Variants in RBMS3 observed in about 807,000 individuals in gnomAD.
The protein encoded by RBMS3 is RNA binding motif single stranded interacting protein 3, also known as RNA-binding motif, single-stranded-interacting protein 3.
RBMS3 carries 27 observed loss-of-function variants against 66.8 expected under a neutral mutation model. The ratio of observed to expected loss-of-function variants is 0.40; its 90% CI spans 0.30 to 0.56. The LOEUF (loss-of-function observed/expected upper bound fraction) is 0.56. RBMS3 is among the 20% of genes least tolerant of loss of function. The pLI is 0.40. For missense variants in RBMS3, 513 were observed against 549.5 expected (o/e 0.93, Z 0.66); for synonymous variants, 188 against 183.0 (o/e 1.03, Z -0.22).
intron 2 of RBMS3, among the ~76,000 whole-genome samples, chr3:29,481,445 C>A (rs1029448530): frequency 2.0e-5 from 3 of 152,102 alleles, no homozygotes; most frequent in Non-Finnish European, 4.4e-5. Flanking sequence ...CAGTGAGAAC[C>A]AAGAAATGGT....
At chr3:29,442,005 C>CATGG (rs1172124886) in intron 2 of RBMS3, among the ~76,000 whole-genome samples, 5 of 152,206 alleles carry the variant, frequency 3.3e-5, no homozygotes, top group Admixed American at 2.0e-4. Context: ...AGATTAGGCA[C>CATGG]ATGGATAATA....
intron 1 of RBMS3, among the ~76,000 whole-genome samples, chr3:29,424,774 C>T (rs2040878981): frequency 6.6e-6 from 1 of 152,068 alleles, no homozygotes; most frequent in African/African-American, 2.4e-5. Context: ...TTTCTATCAT[C>T]CCTTTGCTAC....
chr3:29,488,166 T>C (rs2043391945), intron 2 of RBMS3, among the ~76,000 whole-genome samples: 1 of 152,222 alleles, frequency 6.6e-6, no homozygotes, highest in Non-Finnish European at 1.5e-5. Flanking sequence ...CGATTTACTG[T>C]GATCACAATC....
At chr3:29,880,844 A>G (rs1283693488) in intron 7 of RBMS3, 2 of 1,528,288 alleles carry the variant, frequency 1.3e-6, no homozygotes, top group Admixed American at 2.0e-5. Flanking sequence ...TTCATTCCCG[A>G]CCCTTTTGCA....
At chr3:29,762,407 G>A (rs1030025623) in intron 5 of RBMS3, among the ~76,000 whole-genome samples, 7 of 152,110 alleles carry the variant, frequency 4.6e-5, no homozygotes, top group Admixed American at 4.6e-4. Context: ...AACCTCTTTT[G>A]TGAAATCCAT....
chr3:29,685,324 G>C (rs975516595), intron 4 of RBMS3, among the ~76,000 whole-genome samples: 6 of 152,162 alleles, frequency 3.9e-5, no homozygotes, highest in Non-Finnish European at 7.3e-5. Flanking sequence ...ACCTCCCAAA[G>C]TGCTGGCATT....
chr3:29,919,650 T>C (rs1388553690), intron 10 of RBMS3, among the ~76,000 whole-genome samples: 1 of 152,212 alleles, frequency 6.6e-6, no homozygotes, highest in Non-Finnish European at 1.5e-5. Context: ...TGGACAATTT[T>C]TGTTTTAATA....
At chr3:29,830,392 C>T (rs2058341267) in intron 6 of RBMS3, among the ~76,000 whole-genome samples, 1 of 152,130 alleles carries the variant, frequency 6.6e-6, no homozygotes, top group Non-Finnish European at 1.5e-5. Context: ...GTCTTCAACT[C>T]TTCGTTTGTT....
chr3:29,309,815 G>A (rs1446310705), intron 1 of RBMS3, among the ~76,000 whole-genome samples: 1 of 151,642 alleles, frequency 6.6e-6, no homozygotes, highest in Non-Finnish European at 1.5e-5. Flanking sequence ...TGATCTTCAG[G>A]AAAATAGTTT....
intron 3 of RBMS3, among the ~76,000 whole-genome samples, chr3:29,505,302 A>G (rs2044140119): frequency 6.6e-6 from 1 of 151,840 alleles, no homozygotes; most frequent in Non-Finnish European, 1.5e-5. Flanking sequence ...AACAATATTT[A>G]TTGAATAGAC....
intron 12 of RBMS3, among the ~76,000 whole-genome samples, chr3:29,945,904 G>A (rs1695272523): frequency 6.6e-6 from 1 of 151,796 alleles, no homozygotes; most frequent in Admixed American, 6.6e-5. Context: ...GAATCTGAAA[G>A]TTTTGTGTGG....
chr3:29,724,427 C>T (rs2053770903), intron 4 of RBMS3, among the ~76,000 whole-genome samples: 1 of 152,130 alleles, frequency 6.6e-6, no homozygotes, highest in Non-Finnish European at 1.5e-5. Context: ...TGAATTTCTA[C>T]AATAACCCTC....
intron 6 of RBMS3, among the ~76,000 whole-genome samples, chr3:29,831,349 C>T (rs1292755413): frequency 6.6e-6 from 1 of 152,056 alleles, no homozygotes; most frequent in African/African-American, 2.4e-5. Context: ...TGGTCATTGT[C>T]CCACATGGTG....
intron 1 of RBMS3, among the ~76,000 whole-genome samples, chr3:29,349,934 C>A (rs112621662): frequency 2.3e-4 from 35 of 152,142 alleles, no homozygotes; most frequent in African/African-American, 8.2e-4. Context: ...CCAAGGTGGG[C>A]AGATCACCTG....
At chr3:29,940,286 C>T (rs1235587775) in intron 11 of RBMS3, among the ~76,000 whole-genome samples, 2 of 151,894 alleles carry the variant, frequency 1.3e-5, no homozygotes, top group Non-Finnish European at 2.9e-5. Context: ...AACTATCTGA[C>T]GTCTCTCTCC....
At chr3:29,623,489 G>A (rs893714439) in intron 4 of RBMS3, among the ~76,000 whole-genome samples, 1 of 151,668 alleles carries the variant, frequency 6.6e-6, no homozygotes, top group Admixed American at 6.6e-5. Context: ...CTACTCGGGA[G>A]GTTGAGGCAG....
At chr3:29,826,983 G>A (rs1281967516) in intron 6 of RBMS3, among the ~76,000 whole-genome samples, 1 of 152,094 alleles carries the variant, frequency 6.6e-6, no homozygotes, top group Non-Finnish European at 1.5e-5. Context: ...TACAAGCCTT[G>A]AAAGAGGGGC....
At chr3:29,440,227 C>T (rs191325132) in intron 2 of RBMS3, among the ~76,000 whole-genome samples, 1 of 152,208 alleles carries the variant, frequency 6.6e-6, no homozygotes, top group African/African-American at 2.4e-5. Context: ...TTTATATTTT[C>T]CACATCTACA....
At chr3:29,611,090 G>C (rs953159123) in intron 4 of RBMS3, among the ~76,000 whole-genome samples, 1 of 151,940 alleles carries the variant, frequency 6.6e-6, no homozygotes, top group Non-Finnish European at 1.5e-5. Flanking sequence ...TTAGAATGCT[G>C]AACATTATGT....
Sources: allele counts gnomAD v4.1 joint callset (sites outside exome capture counted in the v4.1 genomes callset), GRCh38; gene constraint gnomAD v4.1.1; transcripts MANE v1.5; gene names NCBI Gene and HGNC (gene_info 2026-07-23, HGNC 2026-07-21).